The following GLB1 variants were observed in gnomAD, a reference collection of about 807,000 sequenced individuals.
GLB1 encodes galactosidase beta 1.
GLB1 carries 56 observed loss-of-function variants against 74.0 expected under a neutral mutation model. The observed-to-expected ratio is 0.76, with a 90% CI of 0.61 to 0.94. GLB1 has a LOEUF of 0.94. Ranked by LOEUF, GLB1 falls within the 40% of genes least tolerant of loss-of-function variation. The probability of loss-of-function intolerance (pLI) is 0.00; values close to 1 mark genes in which losing one functional copy is unlikely to be tolerated. For synonymous variants in GLB1, 323 were observed against 323.6 expected (o/e 1.00, Z 0.02); for missense variants, 787 against 845.5 (o/e 0.93, Z 0.86).
At chr3:33,088,096 A>G (rs1700600964) in intron 1 of GLB1, among the ~76,000 whole-genome samples, 1 of 152,140 alleles carries the variant, frequency 6.6e-6, no homozygotes, top group African/African-American at 2.4e-5. Context: ...AACAAATGCA[A>G]AATAGAAGAA....
intron 1 of GLB1, chr3:33,091,942 C>A: frequency 1.0e-6 from 1 of 985,292 alleles, no homozygotes; most frequent in East Asian, 1.1e-4. Context: ...AGGTACAAGA[C>A]CTGGTTTCTA....
At chr3:33,069,094 G>C (rs1699801348) in intron 2 of GLB1, 124 bp from the exon 3 acceptor site, 4 of 1,528,790 alleles carry the variant, frequency 2.6e-6, no homozygotes, top group Non-Finnish European at 3.6e-6. Flanking sequence ...CGCTTTGAAA[G>C]AAAAATTATC....
At chr3:33,072,410 C>T in intron 2 of GLB1, 134 bp downstream of exon 2, 1 of 1,381,792 alleles carries the variant, frequency 7.2e-7, no homozygotes, top group Non-Finnish European at 9.9e-7. Context: ...TCATGACAAG[C>T]CCCTCCCAGA....
chr3:32,986,984 T>C, the GLB1 span, among the ~76,000 whole-genome samples: 1 of 152,230 alleles, frequency 6.6e-6, no homozygotes, highest in Admixed American at 6.5e-5. Flanking sequence ...CGACAGCAGA[T>C]GCTGATGATG....
intron 1 of GLB1, chr3:33,092,699 G>C (rs1700816539): frequency 6.9e-7 from 1 of 1,446,840 alleles, no homozygotes. Flanking sequence ...CACTGTTTGA[G>C]TCAGGCTTGT....
At chr3:33,095,621 T>C (rs1176193999) in intron 1 of GLB1, among the ~76,000 whole-genome samples, 1 of 152,204 alleles carries the variant, frequency 6.6e-6, no homozygotes, top group East Asian at 1.9e-4. Flanking sequence ...GCATCCACCC[T>C]GACCCAATGA....
rs1047691580 is a variant in GLB1 at position 33,060,139 on chromosome 3, C to T, written c.553-1870G>A. Among the ~76,000 whole-genome samples, 7 of 152,272 alleles carry T rather than the reference C, an allele frequency of 4.6e-5. No individual in the cohort carries two copies. In the East Asian group the frequency reaches 9.7e-4, roughly 21 times the overall value. ...AGTGACAAAAATGAATTAAATGCTG[C>T]CGTCGTTATCTGCACAGTCCTGCCT... On this transcript the variant is annotated intron_variant, in intron 5 of 15. Coordinates refer to ENST00000307363, the MANE Select transcript of GLB1 (RefSeq NM_000404.4).
At chr3:32,993,184 T>C (rs917220355), downstream of GLB1, among the ~76,000 whole-genome samples, 1 of 152,002 alleles carries the variant, frequency 6.6e-6, no homozygotes, top group African/African-American at 2.4e-5. Flanking sequence ...GGGGAAACAA[T>C]GAAAAAAAAC....
At chr3:33,052,038 G>T in intron 7 of GLB1, 34 bp from the exon 8 acceptor site, 1 of 1,611,032 alleles carries the variant, frequency 6.2e-7, no homozygotes, top group Non-Finnish European at 8.5e-7. Context: ...CCTTAGGATA[G>T]ACTTATGACC....
chr3:33,015,088 A>G (rs974654347), intron 14 of GLB1, among the ~76,000 whole-genome samples: 1 of 152,178 alleles, frequency 6.6e-6, no homozygotes, highest in Non-Finnish European at 1.5e-5. Context: ...CCCAGGAGAC[A>G]GAGGTTGCAG....
chr3:33,062,649 G>A lies in GLB1; in HGVS notation c.552+2814C>T, dbSNP rs528553697. Among the ~76,000 whole-genome samples the A allele has an allele frequency of 3.1e-4, 47 of 152,210 alleles. 1 individual carries two copies. The highest frequency in any genetic ancestry group is 6.8e-3 in the Middle Eastern group (2 of 294). On this transcript the variant is annotated intron_variant, in intron 5 of 15. Transcript: ENST00000307363. Reference sequence around the variant, plus strand: ...CTAAAAATACACAAAATTAGCTGGCGTGGTTGCCCGCACCTGTAGTCCCAG... The same window carrying A: ...CTAAAAATACACAAAATTAGCTGGCATGGTTGCCCGCACCTGTAGTCCCAG...
chr3:33,019,885 C>A (rs770476957), intron 12 of GLB1, among the ~76,000 whole-genome samples: 1 of 152,082 alleles, frequency 6.6e-6, no homozygotes, highest in East Asian at 1.9e-4. Context: ...GGGTTTTTTG[C>A]TGGAAATAGA....
At chr3:33,034,192 C>T in intron 10 of GLB1, 1 of 635,018 alleles carries the variant, frequency 1.6e-6, no homozygotes, top group Non-Finnish European at 2.9e-6. Flanking sequence ...ACTCTGTATG[C>T]TAGGTCCCCC....
intron 1 of GLB1, among the ~76,000 whole-genome samples, chr3:33,095,695 T>G (rs1332073379): frequency 6.6e-6 from 1 of 152,188 alleles, no homozygotes; most frequent in African/African-American, 2.4e-5. Context: ...TCCTGGTTCA[T>G]AAATCCTTCT....
At chr3:32,991,015 T>A in the GLB1 span, among the ~76,000 whole-genome samples, 1 of 151,932 alleles carries the variant, frequency 6.6e-6, no homozygotes, top group Non-Finnish European at 1.5e-5. Flanking sequence ...TTAGTAAAAA[T>A]TAAAGAAAGT....
In GLB1 at chr3:33,020,563, C is replaced by T. The variant is rs576259931; in HGVS notation, c.1233+1003G>A. Among the ~76,000 whole-genome samples the T allele has an allele frequency of 5.9e-5, 9 of 152,206 alleles. No homozygotes were observed. The South Asian group carries it at 1.2e-3, about 21-fold the overall frequency. On this transcript the variant is annotated intron_variant, in intron 12 of 15. Coordinates refer to ENST00000307363, the MANE Select transcript of GLB1 (RefSeq NM_000404.4). The stretch of plus-strand genomic sequence containing the variant: ...AGTGAGGCAAAGTCTACAAACACCC[C>T]GACCTTTTCAAAAATGTCCATGTCA...
At chr3:33,008,246 T>C (rs1187314737) in intron 15 of GLB1, among the ~76,000 whole-genome samples, 42 of 152,164 alleles carry the variant, frequency 2.8e-4, no homozygotes, top group Admixed American at 2.8e-3. Flanking sequence ...CAGGGAGGGC[T>C]TTCTTTGTGT....
intron 15 of GLB1, among the ~76,000 whole-genome samples, chr3:32,999,893 C>T (rs879500835): frequency 3.3e-5 from 5 of 151,934 alleles, no homozygotes; most frequent in Non-Finnish European, 5.9e-5. Flanking sequence ...TCAAGAGATC[C>T]GCCCACCTCG....
rs190914719 is a variant in GLB1, at chr3:33,028,914, G to A, written c.1069-4589C>T. On this transcript the variant is annotated intron_variant, in intron 10 of 15. Coordinates refer to ENST00000307363, the MANE Select transcript of GLB1 (RefSeq NM_000404.4). ...ACTCCTGACCTCAGGTGATCCGCCC[G>A]CCTCGGCCTAAGTGCTGGGATTACA... 1.7e-3 allele frequency among the ~76,000 whole-genome samples: 256 copies of A among 152,124 alleles called. 1 individual carries two copies. Among genetic ancestry groups the A allele is most frequent in the African/African-American group, 5.1e-3 (213 of 41,510 alleles).
Sources: allele counts gnomAD v4.1 joint callset (sites outside exome capture counted in the v4.1 genomes callset), GRCh38; gene constraint gnomAD v4.1.1; transcripts MANE v1.5; gene names NCBI Gene and HGNC (gene_info 2026-07-23, HGNC 2026-07-21).